The following LRP6 variants were observed in gnomAD, a reference collection of about 807,000 sequenced individuals.
The protein encoded by LRP6 is low-density lipoprotein receptor-related protein 6.
A neutral mutation model predicts 184.1 loss-of-function variants in LRP6; 43 were observed. The observed-to-expected ratio is 0.23, with a 90% CI of 0.18 to 0.30. The LOEUF (loss-of-function observed/expected upper bound fraction) is 0.30, where lower values mean the gene tolerates loss of function less well. Ranked by LOEUF, LRP6 falls within the 10% of genes least tolerant of loss-of-function variation. The probability of loss-of-function intolerance (pLI) is 1.00; values close to 1 mark genes in which losing one functional copy is unlikely to be tolerated. For synonymous variants in LRP6, 719 were observed against 684.9 expected (o/e 1.05, Z -0.78); for missense variants, 1,571 against 2,005.3 (o/e 0.78, Z 4.14).
At chr12:12,265,214 A>G (rs1199426769) in intron 1 of LRP6, among the ~76,000 whole-genome samples, 1 of 151,340 alleles carries the variant, frequency 6.6e-6, no homozygotes, top group Admixed American at 6.6e-5. Flanking sequence ...CAATAATAAA[A>G]TAAGTATATA....
intron 7 of LRP6, 78 bp from the exon 8 acceptor site, chr12:12,165,373 T>C (rs1862852396): frequency 1.0e-6 from 1 of 996,014 alleles, no homozygotes; most frequent in Non-Finnish European, 1.6e-6. Context: ...TCCAACTGCC[T>C]GTTGTATAAA....
chr12:12,236,227 A>AAAATAAAT (rs145272684), intron 2 of LRP6, among the ~76,000 whole-genome samples: 9 of 151,962 alleles, frequency 5.9e-5, no homozygotes, highest in Admixed American at 2.0e-4. Context: ...ACTCCGTCTC[A>AAAATAAAT]AAATAAATAA....
At chr12:12,136,165 C>T (rs925389605) in intron 16 of LRP6, among the ~76,000 whole-genome samples, 2 of 151,798 alleles carry the variant, frequency 1.3e-5, no homozygotes, top group Admixed American at 6.6e-5. Context: ...CCAGCCTGGG[C>T]GGCAGAGCAA....
chr12:12,190,949 T>A (rs1165806183), intron 3 of LRP6, among the ~76,000 whole-genome samples: 1 of 152,190 alleles, frequency 6.6e-6, no homozygotes, highest in South Asian at 2.1e-4. Flanking sequence ...ACAACAAAGC[T>A]AGGTAAAACC....
chr12:12,164,414 T>G lies in LRP6; in HGVS notation c.1911A>C (p.Ser637=). ...CIVPEAFLLF[S]RRADIRRISL... ...AAATTCGTCTGATATCTGCTCTCCG[T>G]GAAAACAAAAGGAAAGCCTCTGGGA... is the stretch of plus-strand genomic sequence containing the variant. The change falls in exon 9 of 23, where the codon TCA becomes TCC. Residue 637 remains serine, a synonymous_variant. Transcript: ENST00000261349. The G allele has an allele frequency of 6.2e-7, 1 of 1,614,162 alleles. No individual in the cohort carries two copies. The highest frequency in any genetic ancestry group is 8.5e-7 in the Non-Finnish European group (1 of 1,180,020).
intron 2 of LRP6, among the ~76,000 whole-genome samples, chr12:12,204,758 C>A (rs982051355): frequency 6.7e-6 from 1 of 150,372 alleles, no homozygotes; most frequent in African/African-American, 2.4e-5. Flanking sequence ...GAGTTCAAGA[C>A]CAGCCTGGCC....
rs1464137859 is a variant in LRP6 at position 12,187,104 on chromosome 12, T to C, written c.663A>G (p.Lys221=). The C allele has an allele frequency of 1.2e-6, 2 of 1,614,028 alleles. No homozygotes were observed. The highest frequency in any genetic ancestry group is 2.7e-5 in the African/African-American group (2 of 74,928). The stretch of plus-strand genomic sequence containing the variant: ...AGGCAAAAGGATGTGGAAGGGAACC[T>C]TTAACCACTGCCTGCCTATTAACAT... ...LDGTNRQAVV[K]GSLPHPFALT... The change falls in exon 4 of 23, where the codon AAA becomes AAG. Residue 221 remains lysine, a synonymous_variant. Transcript: ENST00000261349.
Position 12,215,809 on chromosome 12 carries a change from C to T in LRP6, c.450-12409G>A, listed in dbSNP as rs549834426. On this transcript the variant is annotated intron_variant, in intron 2 of 22. Coordinates refer to ENST00000261349, the MANE Select transcript of LRP6 (RefSeq NM_002336.3). ...GGAGGATCACCTGAGGTCAGGAGTT[C>T]GAGACCAGCCTGGCTAACATGGTGA... Among the ~76,000 whole-genome samples the T allele has an allele frequency of 5.3e-5, 8 of 151,488 alleles. No homozygotes were observed. In the South Asian group the frequency reaches 6.3e-4, roughly 12 times the overall value.
At chr12:12,142,549 G>GA (rs1009525208) in intron 15 of LRP6, among the ~76,000 whole-genome samples, 113 of 148,000 alleles carry the variant, frequency 7.6e-4, no homozygotes, top group African/African-American at 2.1e-3. Context: ...GAATACGTAA[G>GA]AAAAAAAAAA....
intron 1 of LRP6, among the ~76,000 whole-genome samples, chr12:12,264,684 A>G (rs1282046121): frequency 6.6e-6 from 1 of 152,232 alleles, no homozygotes; most frequent in East Asian, 1.9e-4. Context: ...ACTATAACAG[A>G]GGATGACATT....
At chr12:12,183,052 T>C (rs1353970226) in intron 5 of LRP6, among the ~76,000 whole-genome samples, 1 of 152,224 alleles carries the variant, frequency 6.6e-6, no homozygotes, top group Non-Finnish European at 1.5e-5. Context: ...TGGAAACCAT[T>C]TGACCAAGAG....
At chr12:12,195,638 G>C (rs1370056641) in intron 3 of LRP6, among the ~76,000 whole-genome samples, 1 of 152,062 alleles carries the variant, frequency 6.6e-6, no homozygotes, top group Non-Finnish European at 1.5e-5. Context: ...CCCTCATTCT[G>C]TAGGTCGTCT....
chr12:12,223,176 GAAAA>G (rs35090683), intron 2 of LRP6, among the ~76,000 whole-genome samples: 5 of 115,222 alleles, frequency 4.3e-5, no homozygotes, highest in Non-Finnish European at 8.7e-5. Context: ...CATTTCATCA[GAAAA>G]AAAAAAAAAA....
intron 7 of LRP6, among the ~76,000 whole-genome samples, chr12:12,178,520 A>C (rs925788762): frequency 3.9e-5 from 6 of 152,178 alleles, no homozygotes; most frequent in African/African-American, 1.4e-4. Flanking sequence ...GTACCTATAC[A>C]CTCATGTATA....
intron 7 of LRP6, among the ~76,000 whole-genome samples, chr12:12,179,447 C>T (rs1408544263): frequency 6.6e-6 from 1 of 150,918 alleles, no homozygotes; most frequent in Non-Finnish European, 1.5e-5. Context: ...CTTTGTTTTC[C>T]TAACTTAGGA....
chr12:12,198,530 CTTTTT>C (rs56150307), intron 3 of LRP6, among the ~76,000 whole-genome samples: 69 of 76,996 alleles, frequency 9.0e-4, no homozygotes, highest in Non-Finnish European at 1.3e-3. Flanking sequence ...GAATTTTTCT[CTTTTT>C]TTTTTTTTTT....
intron 3 of LRP6, among the ~76,000 whole-genome samples, chr12:12,193,105 T>C (rs1224971282): frequency 6.6e-6 from 1 of 152,004 alleles, no homozygotes; most frequent in East Asian, 1.9e-4. Flanking sequence ...GGAAATCAAA[T>C]TATTTTCTAA....
rs776503670 is a variant in LRP6 at position 12,138,525 on chromosome 12, C to A, written c.3407G>T (p.Arg1136Leu). Residue 1136 changes from arginine to leucine, a missense_variant, in exon 16 of 23, where the codon CGG becomes CTG. Physicochemically the swap from Arg to Leu is moderately radical, Grantham distance 102. Coordinates refer to ENST00000261349, the MANE Select transcript of LRP6 (RefSeq NM_002336.3). Reference protein sequence around the residue: ...IESSDLSGANRIVLEDSNILQ... With the variant: ...IESSDLSGANLIVLEDSNILQ... ...GATATTGGAGTCTTCTAATACTATC[C>A]GGTTAGCACCTTGGAAAAGGAGAAA... The A allele has an allele frequency of 6.2e-7, 1 of 1,613,442 alleles. No individual in the cohort carries two copies. The highest frequency in any genetic ancestry group is 8.5e-7 in the Non-Finnish European group (1 of 1,179,652).
chr12:12,233,101 T>C (rs1864833896), intron 2 of LRP6, among the ~76,000 whole-genome samples: 1 of 152,124 alleles, frequency 6.6e-6, no homozygotes, highest in South Asian at 2.1e-4. Flanking sequence ...CTGTCTCTAA[T>C]CAAGTCTTCA....
Sources: allele counts gnomAD v4.1 joint callset (sites outside exome capture counted in the v4.1 genomes callset), GRCh38; gene constraint gnomAD v4.1.1; transcripts MANE v1.5; gene names NCBI Gene and HGNC (gene_info 2026-07-23, HGNC 2026-07-21).